The following CSMD3 variants were observed in gnomAD, a reference collection of about 807,000 sequenced individuals.
The protein encoded by CSMD3 is CUB and Sushi multiple domains 3, also known as CUB and sushi domain-containing protein 3.
In CSMD3, 177 loss-of-function variants were observed where a neutral mutation model predicts 435.2. That is an observed-to-expected ratio of 0.41 (90% CI 0.36 to 0.46). The LOEUF (loss-of-function observed/expected upper bound fraction) is 0.46, where lower values mean the gene tolerates loss of function less well. Among genes scored for constraint, CSMD3 ranks in the 20% least tolerant of loss-of-function variants. The pLI is 0.34. For synonymous variants in CSMD3, 1,656 were observed against 1,520.5 expected, an observed-to-expected ratio of 1.09 and a Z score of -2.07; for missense variants, 4,265 against 4,504.6, an observed-to-expected ratio of 0.95 and a Z score of 1.52.
intron 6 of CSMD3, 74 bp from the exon 7 acceptor site, chr8:112,976,222 C>A (rs2130936867): frequency 6.7e-7 from 1 of 1,490,390 alleles, no homozygotes; most frequent in South Asian, 1.2e-5. Flanking sequence ...TAAATTTAAT[C>A]AATCATATTC....
At chr8:112,373,846 A>T (rs1828687578) in intron 38 of CSMD3, among the ~76,000 whole-genome samples, 1 of 152,052 alleles carries the variant, frequency 6.6e-6, no homozygotes, top group Non-Finnish European at 1.5e-5. Flanking sequence ...AGTTTCTGGG[A>T]GTAATAGTCT....
intron 9 of CSMD3, among the ~76,000 whole-genome samples, chr8:112,925,862 C>T (rs911905568): frequency 2.0e-5 from 3 of 152,180 alleles, no homozygotes; most frequent in Non-Finnish European, 4.4e-5. Flanking sequence ...GTTTATGCTG[C>T]AGGAGGAGAG....
Position 112,517,162 on chromosome 8 carries a change from C to T in CSMD3, c.4628G>A (p.Gly1543Glu), listed in dbSNP as rs754418524. The change falls in exon 28 of 71, where the codon GGA (glycine) becomes GAA (glutamate). Residue 1543 changes from glycine (G) to glutamate (E), a missense_variant. Around this residue, in one of 3 missense-constraint regions of CSMD3, gnomAD observed 3,255 missense variants for 3,380.2 expected, o/e 0.96. Coordinates refer to ENST00000297405, the MANE Select transcript of CSMD3 (RefSeq NM_198123.2). Reference protein sequence around the residue: ...VPMNGTRNGDGREPGDTVVFQ... With the variant: ...VPMNGTRNGDEREPGDTVVFQ... ...AACAACAGTGTCCCCAGGTTCTCTT[C>T]CATCCCCATTTCGAGTCCCATTCAT... is the stretch of plus-strand genomic sequence containing the variant. The T allele has an allele frequency of 1.2e-6, 2 of 1,613,826 alleles. No individual in the cohort carries two copies. Among genetic ancestry groups the T allele is most frequent in the South Asian group, 2.2e-5 (2 of 91,076 alleles).
intron 1 of CSMD3, among the ~76,000 whole-genome samples, chr8:113,380,984 CT>C (rs910090414): frequency 6.6e-6 from 1 of 152,160 alleles, no homozygotes; most frequent in Non-Finnish European, 1.5e-5. Context: ...TCCCTCAGGC[CT>C]TTTCCAGGCA....
Position 112,408,300 on chromosome 8 carries a change from G to A in CSMD3, c.5605+18C>T. 2.8e-6 allele frequency: 4 copies of A among 1,430,622 alleles called. No homozygotes were observed. Among genetic ancestry groups the A allele is most frequent in the Non-Finnish European group, 3.9e-6 (4 of 1,013,014 alleles). The allele number at this position is 1,430,622 out of a possible 1,614,324, so 88.6% of individuals were successfully genotyped here. ...TATATCATTCCTTAGTGTGTTTCTA[G>A]ACTACAGGGTCACTTACCTTGGTAA... On this transcript the variant is annotated intron_variant, in intron 34 of 70. Coordinates refer to ENST00000297405, the MANE Select transcript of CSMD3 (RefSeq NM_198123.2).
intron 32 of CSMD3, among the ~76,000 whole-genome samples, chr8:112,432,831 T>C (rs923715150): frequency 6.6e-5 from 10 of 151,642 alleles, no homozygotes; most frequent in African/African-American, 2.4e-4. Flanking sequence ...ATCCCAGTAG[T>C]TTGGGAGGCT....
chr8:112,616,794 G>A (rs1384320025), intron 22 of CSMD3, among the ~76,000 whole-genome samples: 1 of 152,174 alleles, frequency 6.6e-6, no homozygotes, highest in Non-Finnish European at 1.5e-5. Flanking sequence ...GCAGCTGAAA[G>A]CATGTATATT....
At chr8:113,070,934 A>T (rs143640454) in intron 5 of CSMD3, among the ~76,000 whole-genome samples, 306 of 152,128 alleles carry the variant, frequency 2.0e-3, no homozygotes, top group African/African-American at 6.7e-3. Context: ...TTACATTTCC[A>T]CCAACACTTA....
intron 3 of CSMD3, among the ~76,000 whole-genome samples, chr8:113,206,739 C>T (rs1184249072): frequency 6.6e-6 from 1 of 152,090 alleles, no homozygotes; most frequent in Non-Finnish European, 1.5e-5. Flanking sequence ...AATATCTGGT[C>T]AAATTTTTAA....
At chr8:113,053,263 T>A (rs1195302244) in intron 5 of CSMD3, among the ~76,000 whole-genome samples, 1 of 152,176 alleles carries the variant, frequency 6.6e-6, no homozygotes, top group Non-Finnish European at 1.5e-5. Flanking sequence ...CCTACCAACA[T>A]CCATCTGGTA....
At chr8:112,632,212 G>C (rs1016377847) in intron 22 of CSMD3, among the ~76,000 whole-genome samples, 1 of 151,970 alleles carries the variant, frequency 6.6e-6, no homozygotes, top group Non-Finnish European at 1.5e-5. Flanking sequence ...TCGCATATAT[G>C]CTGCACATTC....
rs180778416 is a variant in CSMD3, at chr8:112,645,018, T to C, written c.3310+91A>G. ...TGTAGTACTGATCTGTTTTTGCTCA[T>C]GCAAAATAACATGTAAAGGAAAGTG... is the stretch of plus-strand genomic sequence containing the variant. On this transcript the variant is annotated intron_variant, in intron 20 of 70. Coordinates refer to ENST00000297405, the MANE Select transcript of CSMD3 (RefSeq NM_198123.2). The C allele has an allele frequency of 1.4e-5, 11 of 799,870 alleles. No homozygotes were observed. The Admixed American group carries it at 1.9e-4, about 14-fold the overall frequency. 49.5% of individuals were successfully genotyped at this position (799,870 alleles called of 1,614,324 possible).
chr8:112,229,809 A>G (rs1812918257), intron 69 of CSMD3, among the ~76,000 whole-genome samples: 1 of 152,094 alleles, frequency 6.6e-6, no homozygotes, highest in Non-Finnish European at 1.5e-5. Context: ...GAGATTTAGA[A>G]CATAGCGGTA....
At chr8:113,226,301 C>T (rs1214720330) in intron 3 of CSMD3, among the ~76,000 whole-genome samples, 1 of 151,430 alleles carries the variant, frequency 6.6e-6, no homozygotes, top group African/African-American at 2.4e-5. Context: ...TACATGGATA[C>T]CAACTAATGT....
Position 113,068,127 on chromosome 8 carries a change from A to G in CSMD3, c.917+30629T>C, listed in dbSNP as rs1478517813. Among the ~76,000 whole-genome samples the G allele has an allele frequency of 2.0e-5, 3 of 152,196 alleles. No homozygotes were observed. The East Asian group carries it at 5.8e-4, about 29-fold the overall frequency. ...GTATAAAAAGAGTTCTGTATAAAAT[A>G]CCAACTTTTGAGTGAAGTTAATAAT... On this transcript the variant is annotated intron_variant, in intron 5 of 70. Coordinates refer to ENST00000297405, the MANE Select transcript of CSMD3 (RefSeq NM_198123.2).
chr8:112,300,082 T>C (rs768958266), intron 53 of CSMD3, among the ~76,000 whole-genome samples: 4 of 148,612 alleles, frequency 2.7e-5, no homozygotes, highest in Non-Finnish European at 5.9e-5. Flanking sequence ...AAAATTTAGT[T>C]TTATTTTAAC....
chr8:112,557,629 G>A (rs1828239558), intron 24 of CSMD3, among the ~76,000 whole-genome samples: 2 of 151,760 alleles, frequency 1.3e-5, no homozygotes, highest in Admixed American at 1.3e-4. Context: ...TAGACAGAGG[G>A]GTTCTGAGAG....
intron 40 of CSMD3, among the ~76,000 whole-genome samples, chr8:112,349,967 G>T (rs567064726): frequency 6.6e-6 from 1 of 152,184 alleles, no homozygotes; most frequent in East Asian, 1.9e-4. Flanking sequence ...GTTAAATGAG[G>T]TCATAAGAGG....
chr8:112,429,137 T>G (rs1813395652), intron 32 of CSMD3, among the ~76,000 whole-genome samples: 1 of 152,044 alleles, frequency 6.6e-6, no homozygotes, highest in Non-Finnish European at 1.5e-5. Context: ...TCTCTAGAAT[T>G]TATTCTTATT....
Sources: gnomAD v4.1 joint callset for allele counts (sites outside exome capture counted in the v4.1 genomes callset) on GRCh38, gnomAD v4.1.1 for gene constraint, gnomAD v4.1.1 regional missense constraint, MANE v1.5 for transcripts, NCBI Gene and HGNC (gene_info 2026-07-23, HGNC 2026-07-21) for gene names.